The following HTT variants were observed in gnomAD, a reference collection of about 807,000 sequenced individuals.
HTT encodes the protein huntington disease protein.
HTT carries 104 observed loss-of-function variants against 362.3 expected under a neutral mutation model. The ratio of observed to expected loss-of-function variants is 0.29; its 90% confidence interval spans 0.24 to 0.34. The LOEUF is 0.34. HTT is among the 10% of genes least tolerant of loss of function. The pLI, the probability that HTT is intolerant of heterozygous loss-of-function variation, is 1.00. For missense variants in HTT, 3,301 were observed against 3,928.6 expected, an observed-to-expected ratio of 0.84 and a Z score of 4.27; for synonymous variants, 1,577 against 1,548.7, an observed-to-expected ratio of 1.02 and a Z score of -0.43.
chr4:3,077,224 G>C (rs1712605667), intron 1 of HTT, among the ~76,000 whole-genome samples: 1 of 151,956 alleles, frequency 6.6e-6, no homozygotes, highest in South Asian at 2.1e-4. Context: ...GTAATACATT[G>C]ACATGATACA....
intron 1 of HTT, 95 bp from the exon 2 acceptor site, chr4:3,086,844 T>C (rs1713234102): frequency 2.9e-6 from 2 of 690,798 alleles, no homozygotes; most frequent in Admixed American, 4.5e-5. Context: ...TTCATAGTAG[T>C]CGAGAAACAC....
rs763657521 is a variant in HTT, at chr4:3,173,051, G to A, written c.4086G>A (p.Pro1362=). The change falls in exon 31 of 67, where the codon CCG becomes CCA. Residue 1362 remains proline (P), a synonymous_variant. Transcript: ENST00000355072. ...PGLYHYCFMA[P]YTHFTQALAD... is the part of the protein sequence containing the mutation. ...TGTACCACTACTGCTTCATGGCCCC[G>A]TACACCCACTTCACCCAGGCCCTCG... 12 of 1,613,914 alleles carry A rather than the reference G, an allele frequency of 7.4e-6. No homozygotes were observed. In the Middle Eastern group the frequency reaches 6.6e-4, roughly 88 times the overall value.
chr4:3,216,914 A>G (rs1220953316), intron 51 of HTT, among the ~76,000 whole-genome samples: 2 of 150,858 alleles, frequency 1.3e-5, no homozygotes, highest in Non-Finnish European at 3.0e-5. Flanking sequence ...AGTCCCAGCT[A>G]CTTGGGAGGC....
chr4:3,120,307 T>G (rs994248448), intron 8 of HTT, among the ~76,000 whole-genome samples: 1 of 152,208 alleles, frequency 6.6e-6, no homozygotes, highest in Non-Finnish European at 1.5e-5. Flanking sequence ...CACTACAAAA[T>G]TATTTGTTGT....
intron 6 of HTT, among the ~76,000 whole-genome samples, chr4:3,109,596 A>G (rs1394036719): frequency 2.0e-5 from 3 of 151,548 alleles, no homozygotes; most frequent in Non-Finnish European, 4.4e-5. Flanking sequence ...TTTTACTTTC[A>G]CTATAGTTCT....
intron 40 of HTT, among the ~76,000 whole-genome samples, chr4:3,189,500 T>C (rs897994837): frequency 3.3e-5 from 5 of 152,234 alleles, no homozygotes; most frequent in African/African-American, 1.2e-4. Flanking sequence ...AAGGACATTA[T>C]GCTAAATGAA....
chr4:3,096,016 A>C (rs1459656571), intron 2 of HTT, among the ~76,000 whole-genome samples: 1 of 152,260 alleles, frequency 6.6e-6, no homozygotes, highest in African/African-American at 2.4e-5. Flanking sequence ...AAAATAACCT[A>C]CAGGTAACAG....
chr4:3,229,902 G>C lies in HTT; in HGVS notation c.8125G>C (p.Asp2709His), dbSNP rs1721169074. Reference protein sequence around the residue: ...EVVRSLLVVSDLFTERNQFEL... With the variant: ...EVVRSLLVVSHLFTERNQFEL... ...ACATCTCCAGCTTCTAGTGGTCTCA[G>C]ACTTGTTCACCGAGCGCAACCAGTT... Residue 2709 changes from aspartate to histidine, a missense_variant, in exon 60 of 67, where the codon GAC (aspartate) becomes CAC (histidine). Physicochemically the swap from Asp to His is moderately conservative, Grantham distance 81. Transcript: ENST00000355072. 6.2e-7 allele frequency: 1 copy of C among 1,614,040 alleles called. No individual in the cohort carries two copies.
chr4:3,074,740 G>C lies in HTT; in HGVS notation c.-86G>C, dbSNP rs962594289. 3 of 1,392,486 alleles carry C rather than the reference G, an allele frequency of 2.2e-6. No individual in the cohort carries two copies. Among genetic ancestry groups the C allele is most frequent in the Admixed American group, 2.3e-5 (1 of 44,218 alleles). The allele number at this position is 1,392,486 out of a possible 1,614,324, so 86.3% of individuals were successfully genotyped here. A position where few individuals can be genotyped will look rare whatever the true frequency, so the allele number is the denominator to read the frequency against. On this transcript the variant is annotated 5_prime_UTR_variant, in exon 1 of 67. Coordinates refer to ENST00000355072, the MANE Select transcript of HTT (RefSeq NM_001388492.1). ...AGGTTCTGCTTTTACCTGCGGCCCA[G>C]AGCCCCATTCATTGCCCCGGTGCTG...
At position 3,105,481 on chromosome 4, in the gene HTT, G is replaced by A. The variant is rs1295532778; in HGVS notation, c.608+45G>A. The A allele has an allele frequency of 6.5e-6, 8 of 1,231,184 alleles. No homozygotes were observed. The East Asian group carries it at 1.9e-4, about 29-fold the overall frequency. 76.3% of individuals were successfully genotyped at this position (1,231,184 alleles called of 1,614,324 possible). A position where few individuals can be genotyped will look rare whatever the true frequency, so the allele number is the denominator to read the frequency against. ...TGTTGGTTTTTGTCGGGGGCCAGCTGCTACTGATCCTTTATGTCTCAGCTC... is the reference window on the plus strand; with the variant it reads ...TGTTGGTTTTTGTCGGGGGCCAGCTACTACTGATCCTTTATGTCTCAGCTC... On this transcript the variant is annotated intron_variant, in intron 5 of 66. Transcript: ENST00000355072.
chr4:3,158,950 C>T (rs1717307108), intron 28 of HTT, among the ~76,000 whole-genome samples: 1 of 152,174 alleles, frequency 6.6e-6, no homozygotes, highest in Admixed American at 6.5e-5. Context: ...CCAGCATGTT[C>T]TGCTGTAATT....
rs11936683 is a variant in HTT, at chr4:3,146,764, C to G, written c.3144-33C>G. 5.1e-5 allele frequency: 81 copies of G among 1,602,710 alleles called. 1 individual carries two copies. In the African/African-American group the frequency reaches 5.5e-4, roughly 11 times the overall value. On this transcript the variant is annotated intron_variant, in intron 24 of 66. Transcript: ENST00000355072. ...AGACTGTTGTTTGCTTAAAAATTGTCTATAATTTGACTTTGCAAATGTCTG... is the reference window on the plus strand; with the variant it reads ...AGACTGTTGTTTGCTTAAAAATTGTGTATAATTTGACTTTGCAAATGTCTG...
intron 52 of HTT, among the ~76,000 whole-genome samples, chr4:3,219,256 A>G (rs937585839): frequency 2.6e-5 from 4 of 152,112 alleles, no homozygotes; most frequent in Non-Finnish European, 5.9e-5. Context: ...TGGTTATGAG[A>G]CAGTAACTGC....
At chr4:3,186,411 G>A (rs887248719) in intron 37 of HTT, among the ~76,000 whole-genome samples, 186 bp from the exon 38 acceptor site, 1 of 152,194 alleles carries the variant, frequency 6.6e-6, no homozygotes. Context: ...TGGGAAAAAT[G>A]TAGCTATACA....
intron 61 of HTT, among the ~76,000 whole-genome samples, 156 bp downstream of exon 61, chr4:3,233,509 G>C (rs116254395): frequency 1.3e-5 from 2 of 152,208 alleles, no homozygotes; most frequent in Admixed American, 1.3e-4. Flanking sequence ...TCAGTGAGAC[G>C]CAAGAGCACA....
At chr4:3,099,741 ATTGTATGGTTTGGAAGTGCTC>A (rs1470052781) in intron 3 of HTT, among the ~76,000 whole-genome samples, 2 of 120,932 alleles carry the variant, frequency 1.7e-5, no homozygotes, top group Non-Finnish European at 3.3e-5. Flanking sequence ...CAGGTGCTCT[ATTGTATGGTTTGGAAGTGCTC>A]TTGTATGGTT....
Position 3,074,876 on chromosome 4 carries a change from C to CCAGGAG in HTT, c.54_55insGAGCAG (p.Gln18_Gln19insGluGln). On this transcript the variant is annotated inframe_insertion, in exon 1 of 67. Transcript: ENST00000355072. The stretch of plus-strand genomic sequence containing the variant: ...AGGCCTTCGAGTCCCTCAAGTCCTT[C>CCAGGAG]CAGCAGCAGCAGCAGCAGCAGCAGC... 2 of 1,356,356 alleles carry CCAGGAG rather than the reference C, an allele frequency of 1.5e-6. No homozygotes were observed. Among genetic ancestry groups the CCAGGAG allele is most frequent in the Non-Finnish European group, 2.0e-6 (2 of 1,018,328 alleles). 84.0% of individuals were successfully genotyped at this position (1,356,356 alleles called of 1,614,324 possible). A position where few individuals can be genotyped will look rare whatever the true frequency, so the allele number is the denominator to read the frequency against.
In HTT at chr4:3,115,453, G is replaced by T; in HGVS notation, c.889+8G>T. 6.2e-7 allele frequency: 1 copy of T among 1,607,132 alleles called. No individual in the cohort carries two copies. Among genetic ancestry groups the T allele is most frequent in the Non-Finnish European group, 8.5e-7 (1 of 1,173,968 alleles). On this transcript the variant is annotated splice_region_variant and intron_variant, in intron 7 of 66. Coordinates refer to ENST00000355072, the MANE Select transcript of HTT (RefSeq NM_001388492.1). ...TACTAAATGTGCTCTTAGGTAAGGTGGAGGCATATGAGTGGAAGAGTCTCC... is the reference window on the plus strand; with the variant it reads ...TACTAAATGTGCTCTTAGGTAAGGTTGAGGCATATGAGTGGAAGAGTCTCC...
intron 54 of HTT, 132 bp downstream of exon 54, chr4:3,222,619 A>G (rs541791178): frequency 7.5e-6 from 5 of 666,964 alleles, no homozygotes; most frequent in Non-Finnish European, 1.3e-5. Context: ...GAGTAGCTGA[A>G]TGGTGTCTTG....
Sources: gnomAD v4.1 joint callset for allele counts (sites outside exome capture counted in the v4.1 genomes callset) on GRCh38, gnomAD v4.1.1 for gene constraint, MANE v1.5 for transcripts, NCBI Gene and HGNC (gene_info 2026-07-23, HGNC 2026-07-21) for gene names.